The following SEZ6L variants were observed in gnomAD, a reference collection of about 807,000 sequenced individuals.
The protein encoded by SEZ6L is seizure 6-like protein.
In SEZ6L, 37 loss-of-function variants were observed where a neutral mutation model predicts 106.2. The ratio of observed to expected loss-of-function variants is 0.35; its 90% CI spans 0.27 to 0.46. The LOEUF is 0.46. Among genes scored for constraint, SEZ6L ranks in the 20% least tolerant of loss-of-function variants. The pLI, the probability that SEZ6L is intolerant of heterozygous loss-of-function variation, is 1.00. For missense variants in SEZ6L, 1,172 were observed against 1,332.8 expected (o/e 0.88, Z 1.88); for synonymous variants, 541 against 570.4 (o/e 0.95, Z 0.73).
intron 1 of SEZ6L, among the ~76,000 whole-genome samples, chr22:26,244,180 A>AAAGAAAGAAAGAAAGAAAGG (rs2079243848): frequency 6.6e-6 from 1 of 151,982 alleles, no homozygotes; most frequent in Non-Finnish European, 1.5e-5. Flanking sequence ...AGAAAGAAAG[A>AAAGAAAGAAAGAAAGAAAGG]AAGAAAAGAG....
At chr22:26,361,210 T>C (rs2146045828) in intron 12 of SEZ6L, among the ~76,000 whole-genome samples, 1 of 152,080 alleles carries the variant, frequency 6.6e-6, no homozygotes, top group Admixed American at 6.6e-5. Flanking sequence ...AAAAATATAT[T>C]ACATAGGCCA....
rs2083952317 is a variant in SEZ6L, at chr22:26,369,572, C to T, written c.2795-3879C>T. 2.0e-5 allele frequency among the ~76,000 whole-genome samples: 3 copies of T among 151,646 alleles called. No homozygotes were observed. The South Asian group carries it at 6.3e-4, about 32-fold the overall frequency. On this transcript the variant is annotated intron_variant, in intron 13 of 16. Transcript: ENST00000248933. ...AGCCAGGATGGTCTCGATCTCCTGACCTCGTGATTCGCCCACCTCTGCCTC... is the reference window on the plus strand; with the variant it reads ...AGCCAGGATGGTCTCGATCTCCTGATCTCGTGATTCGCCCACCTCTGCCTC...
chr22:26,319,788 GT>G (rs1569461414), intron 9 of SEZ6L, among the ~76,000 whole-genome samples: 1 of 152,174 alleles, frequency 6.6e-6, no homozygotes, highest in Non-Finnish European at 1.5e-5. Context: ...ATTCACTGCC[GT>G]AACCCTAATA....
chr22:26,244,729 C>T (rs1037848568), intron 1 of SEZ6L: 2 of 61,504 alleles, frequency 3.3e-5, no homozygotes, highest in East Asian at 5.7e-4. Context: ...TTTTATTCCT[C>T]CCTTCTTTTA....
intron 1 of SEZ6L, among the ~76,000 whole-genome samples, chr22:26,201,691 C>T (rs189988093): frequency 6.6e-6 from 1 of 152,324 alleles, no homozygotes; most frequent in Admixed American, 6.5e-5. Flanking sequence ...CTTGTGACAA[C>T]TGCCTTAATT....
At chr22:26,232,798 T>C (rs574925393) in intron 1 of SEZ6L, among the ~76,000 whole-genome samples, 35 of 152,318 alleles carry the variant, frequency 2.3e-4, no homozygotes, top group African/African-American at 7.5e-4. Context: ...CATATCCCTG[T>C]CATTAAGTGA....
intron 1 of SEZ6L, among the ~76,000 whole-genome samples, chr22:26,254,523 C>T (rs769287844): frequency 3.9e-5 from 6 of 152,050 alleles, no homozygotes; most frequent in African/African-American, 1.4e-4. Context: ...GAGGCCACGG[C>T]GGGAGGATTG....
chr22:26,200,274 ATG>A (rs1402549860), intron 1 of SEZ6L, among the ~76,000 whole-genome samples: 27 of 151,718 alleles, frequency 1.8e-4, no homozygotes, highest in Admixed American at 1.7e-3. Context: ...ATGTATGTGT[ATG>A]TGTGTGTATG....
At chr22:26,274,076 G>C (rs2080460228) in intron 1 of SEZ6L, among the ~76,000 whole-genome samples, 1 of 152,178 alleles carries the variant, frequency 6.6e-6, no homozygotes, top group East Asian at 1.9e-4. Context: ...GGTTATTAGA[G>C]AACTTTCTGT....
intron 1 of SEZ6L, among the ~76,000 whole-genome samples, chr22:26,188,358 T>G (rs1447330892): frequency 6.6e-6 from 1 of 152,194 alleles, no homozygotes. Flanking sequence ...CTCAGCATGG[T>G]GTTGAAAAGA....
At chr22:26,275,866 C>A (rs2080527052) in intron 1 of SEZ6L, among the ~76,000 whole-genome samples, 1 of 152,182 alleles carries the variant, frequency 6.6e-6, no homozygotes, top group Non-Finnish European at 1.5e-5. Flanking sequence ...TTAGCTGGAG[C>A]AGATCCCCTG....
At chr22:26,229,551 C>A (rs2145741873) in intron 1 of SEZ6L, among the ~76,000 whole-genome samples, 1 of 152,336 alleles carries the variant, frequency 6.6e-6, no homozygotes, top group East Asian at 1.9e-4. Flanking sequence ...TGAGGCCCAG[C>A]AATCTGTGAC....
chr22:26,263,182 G>A (rs563124653), intron 1 of SEZ6L, among the ~76,000 whole-genome samples: 6 of 152,278 alleles, frequency 3.9e-5, no homozygotes, highest in Admixed American at 3.3e-4. Flanking sequence ...CACCCAAGAG[G>A]GGGAAGTTAT....
intron 1 of SEZ6L, among the ~76,000 whole-genome samples, chr22:26,253,610 C>A (rs770652274): frequency 2.0e-5 from 3 of 152,080 alleles, no homozygotes; most frequent in Non-Finnish European, 4.4e-5. Flanking sequence ...TTATTTAGTT[C>A]AATTATTATT....
In SEZ6L at chr22:26,375,607, G is replaced by C. The variant is rs532638980; in HGVS notation, c.2860G>C (p.Gly954Arg). The C allele has an allele frequency of 1.2e-6, 2 of 1,614,120 alleles. No homozygotes were observed. The highest frequency in any genetic ancestry group is 1.1e-5 in the South Asian group (1 of 91,080). ...AGCGGCAGCAGAGACGTCGCTGGAA[G>C]GGGGGAACATGGCCCTGGCTATCTT... The part of the protein sequence containing the change: ...AEAAAETSLE[G>R]GNMALAIFIP... Residue 954 changes from glycine (G) to arginine (R), a missense_variant, in exon 15 of 17, where the codon GGG (glycine) becomes CGG (arginine). By Grantham distance (125) the Gly-to-Arg change is moderately radical. Coordinates refer to ENST00000248933, the MANE Select transcript of SEZ6L (RefSeq NM_021115.5).
At chr22:26,194,020 G>C (rs1940420647) in intron 1 of SEZ6L, among the ~76,000 whole-genome samples, 1 of 152,170 alleles carries the variant, frequency 6.6e-6, no homozygotes, top group African/African-American at 2.4e-5. Context: ...GGAATGCACT[G>C]ACCCAGACTG....
chr22:26,227,911 G>A (rs1317936064), intron 1 of SEZ6L, among the ~76,000 whole-genome samples: 1 of 152,206 alleles, frequency 6.6e-6, no homozygotes, highest in Admixed American at 6.5e-5. Context: ...AACTCACAAT[G>A]CCCATCTGTA....
At chr22:26,198,463 GACA>G (rs1222639932) in intron 1 of SEZ6L, among the ~76,000 whole-genome samples, 2 of 152,200 alleles carry the variant, frequency 1.3e-5, no homozygotes, top group African/African-American at 4.8e-5. Context: ...AGACAATGGG[GACA>G]ACAAGCATAA....
chr22:26,262,785 T>A (rs992768218), intron 1 of SEZ6L, among the ~76,000 whole-genome samples: 1 of 152,186 alleles, frequency 6.6e-6, no homozygotes, highest in African/African-American at 2.4e-5. Flanking sequence ...GAAGCTCAAA[T>A]TCTTTATCAA....
Sources: allele counts gnomAD v4.1 joint callset (sites outside exome capture counted in the v4.1 genomes callset), GRCh38; gene constraint gnomAD v4.1.1; transcripts MANE v1.5; gene names NCBI Gene and HGNC (gene_info 2026-07-23, HGNC 2026-07-21).